Variants in LIMCH1 observed in about 807,000 individuals in gnomAD.
LIMCH1 encodes LIM and calponin homology domains-containing protein 1.
Under a neutral mutation model 176.5 loss-of-function variants are expected in LIMCH1, and 113 were observed. The observed-to-expected ratio is 0.64, with a 90% CI of 0.55 to 0.75. The LOEUF (loss-of-function observed/expected upper bound fraction) is 0.75. Among genes scored for constraint, LIMCH1 ranks in the 30% least tolerant of loss-of-function variants. The probability of loss-of-function intolerance (pLI) is 0.00; values close to 1 mark genes in which losing one functional copy is unlikely to be tolerated. For synonymous variants in LIMCH1, 619 were observed against 645.9 expected (o/e 0.96, Z 0.63); for missense variants, 1,674 against 1,814.9 (o/e 0.92, Z 1.41).
intron 23 of LIMCH1, among the ~76,000 whole-genome samples, chr4:41,679,725 G>A (rs2304651): frequency 0.097 from 14,818 of 152,198 alleles, 803 homozygotes; most frequent in South Asian, 0.15. Flanking sequence ...CAAAACTGGA[G>A]TGAAGGAAGA....
At chr4:41,403,352 A>T (rs965539296) in intron 1 of LIMCH1, among the ~76,000 whole-genome samples, 14 of 152,132 alleles carry the variant, frequency 9.2e-5, no homozygotes, top group Non-Finnish European at 1.5e-5. Context: ...AGGCTGAGGC[A>T]AGCGGATCAC....
chr4:41,498,681 A>T (rs1367172023), intron 2 of LIMCH1, among the ~76,000 whole-genome samples: 1 of 152,214 alleles, frequency 6.6e-6, no homozygotes, highest in Non-Finnish European at 1.5e-5. Context: ...AGGGCTGCAG[A>T]GAGTTAGTCT....
intron 1 of LIMCH1, among the ~76,000 whole-genome samples, chr4:41,470,463 G>A (rs2066784391): frequency 6.6e-6 from 1 of 152,022 alleles, no homozygotes; most frequent in African/African-American, 2.4e-5. Flanking sequence ...TCTCTACTGG[G>A]TCATTCCTTT....
At chr4:41,683,027 C>A (rs1402726378) in intron 26 of LIMCH1, among the ~76,000 whole-genome samples, 3 of 151,992 alleles carry the variant, frequency 2.0e-5, no homozygotes, top group Admixed American at 6.6e-5. Flanking sequence ...CAAAGGGGGG[C>A]AGTATCAGTC....
chr4:41,664,566 T>C (rs974529590), intron 20 of LIMCH1, among the ~76,000 whole-genome samples: 8 of 152,196 alleles, frequency 5.3e-5, no homozygotes, highest in Admixed American at 5.2e-4. Flanking sequence ...CCTTTGCAGG[T>C]TTCGTTTTAT....
intron 7 of LIMCH1, among the ~76,000 whole-genome samples, chr4:41,625,853 G>C (rs967957908): frequency 1.4e-4 from 21 of 152,090 alleles, no homozygotes; most frequent in African/African-American, 5.1e-4. Context: ...TGCCCAAGTT[G>C]GGGGAGGTTG....
At chr4:41,421,449 T>G (rs2060598375) in intron 1 of LIMCH1, among the ~76,000 whole-genome samples, 1 of 152,222 alleles carries the variant, frequency 6.6e-6, no homozygotes, top group Admixed American at 6.5e-5. Flanking sequence ...AGTTATTGGT[T>G]ATGATTTTAA....
At chr4:41,375,589 T>G (rs2054620041) in intron 1 of LIMCH1, among the ~76,000 whole-genome samples, 1 of 152,250 alleles carries the variant, frequency 6.6e-6, no homozygotes, top group Admixed American at 6.5e-5. Flanking sequence ...AGATATCTAT[T>G]TTTTGGAGCC....
intron 2 of LIMCH1, among the ~76,000 whole-genome samples, chr4:41,516,364 G>C (rs1236507130): frequency 6.6e-6 from 1 of 152,174 alleles, no homozygotes; most frequent in African/African-American, 2.4e-5. Flanking sequence ...CTGGTGGCTG[G>C]AGATTATCTG....
intron 20 of LIMCH1, among the ~76,000 whole-genome samples, chr4:41,663,852 T>TAAAAAAAAAAAAAAAAAAAA (rs34659309): frequency 7.2e-5 from 6 of 82,764 alleles, no homozygotes; most frequent in East Asian, 3.2e-4. Flanking sequence ...TCTTCATCTC[T>TAAAAAAAAAAAAAAAAAAAA]AAAAAAAAAA....
At chr4:41,604,240 TATTAA>T in intron 3 of LIMCH1, 1 of 984,248 alleles carries the variant, frequency 1.0e-6, no homozygotes, top group Non-Finnish European at 1.2e-6. Flanking sequence ...CAGATGGGAT[TATTAA>T]ATTAAGGAGT....
chr4:41,585,734 T>C (rs970159674), intron 1 of LIMCH1, among the ~76,000 whole-genome samples: 3 of 152,238 alleles, frequency 2.0e-5, no homozygotes, highest in Non-Finnish European at 4.4e-5. Flanking sequence ...GGCATTCTAA[T>C]GAGTGTGAAG....
At chr4:41,547,583 G>A (rs375755981) in intron 1 of LIMCH1, among the ~76,000 whole-genome samples, 13 of 148,110 alleles carry the variant, frequency 8.8e-5, no homozygotes, top group African/African-American at 2.5e-4. Context: ...TAAGACCATA[G>A]TAAGGATTAA....
At chr4:41,565,739 C>T (rs1415402069) in intron 1 of LIMCH1, among the ~76,000 whole-genome samples, 1 of 152,112 alleles carries the variant, frequency 6.6e-6, no homozygotes, top group African/African-American at 2.4e-5. Flanking sequence ...AGCCTTGGCA[C>T]TGGAGTTGTG....
chr4:41,488,669 G>A (rs2070168990), intron 1 of LIMCH1, among the ~76,000 whole-genome samples: 1 of 151,934 alleles, frequency 6.6e-6, no homozygotes, highest in African/African-American at 2.4e-5. Flanking sequence ...TTTTCTGATG[G>A]TTAAAGTAAT....
rs1197645621 is a variant in LIMCH1 at position 41,631,461 on chromosome 4, C to T, written c.1585C>T (p.Arg529Ter). ...CTTAAAGGGCCACCAAATATTTAAT[C>T]GACAAAATGACTGCAGGTATTTTTT... Reference protein sequence around the residue: ...SSLKGHQIFNRQNDCRTMNCG... With the variant: ...SSLKGHQIFN Residue 529 changes from arginine to a stop codon, truncating the protein, a stop_gained, in exon 10 of 32, where the codon CGA (arginine) becomes TGA (stop). Coordinates refer to ENST00000503057, the MANE Select transcript of LIMCH1 (RefSeq NM_001330672.2). LOFTEE classifies it high-confidence loss of function. 1 of 1,514,556 alleles carries T rather than the reference C, an allele frequency of 6.6e-7. No homozygotes were observed. The highest frequency in any genetic ancestry group is 8.8e-7 in the Non-Finnish European group (1 of 1,136,808). 93.8% of individuals were successfully genotyped at this position (1,514,556 alleles called of 1,614,324 possible). A position where few individuals can be genotyped will look rare whatever the true frequency, so the allele number is the denominator to read the frequency against.
At chr4:41,524,037 A>T (rs918766659) in intron 2 of LIMCH1, among the ~76,000 whole-genome samples, 1 of 152,230 alleles carries the variant, frequency 6.6e-6, no homozygotes, top group Non-Finnish European at 1.5e-5. Context: ...GGAGAGATCC[A>T]TGTCTTAGCC....
intron 1 of LIMCH1, among the ~76,000 whole-genome samples, chr4:41,557,490 G>T (rs900569591): frequency 4.6e-5 from 7 of 151,700 alleles, no homozygotes; most frequent in African/African-American, 1.7e-4. Context: ...GCAATAAATA[G>T]ATCTAAATCA....
chr4:41,647,571 G>T (rs1239624416), intron 17 of LIMCH1, among the ~76,000 whole-genome samples: 2 of 152,156 alleles, frequency 1.3e-5, no homozygotes, highest in Non-Finnish European at 1.5e-5. Flanking sequence ...TCTTATATCA[G>T]GAGGAAGCAC....
Sources: allele counts gnomAD v4.1 joint callset (sites outside exome capture counted in the v4.1 genomes callset), GRCh38; gene constraint gnomAD v4.1.1; transcripts MANE v1.5; gene names NCBI Gene and HGNC (gene_info 2026-07-23, HGNC 2026-07-21).